Variants in SMCO2 observed in about 807,000 individuals in gnomAD.
The protein encoded by SMCO2 is single-pass membrane and coiled-coil domain-containing protein 2.
In SMCO2, 25 loss-of-function variants were observed where a neutral mutation model predicts 29.5. The ratio of observed to expected loss-of-function variants is 0.85; its 90% confidence interval spans 0.62 to 1.18. The LOEUF is 1.18. Ranked by LOEUF, SMCO2 falls within the 50% of genes most tolerant of loss-of-function variation. The pLI, the probability that SMCO2 is intolerant of heterozygous loss-of-function variation, is 0.00. For synonymous variants in SMCO2, 117 were observed against 123.3 expected, an observed-to-expected ratio of 0.95 and a Z score of 0.34; for missense variants, 348 against 344.5, an observed-to-expected ratio of 1.01 and a Z score of -0.08.
intron 1 of SMCO2, among the ~76,000 whole-genome samples, chr12:27,467,176 C>T (rs1026355495): frequency 6.6e-6 from 1 of 152,132 alleles, no homozygotes; most frequent in African/African-American, 2.4e-5. Flanking sequence ...ATTTCATCAA[C>T]TGTCTTTTAA....
At chr12:27,481,622 G>A (rs1949644245) in intron 4 of SMCO2, among the ~76,000 whole-genome samples, 1 of 151,960 alleles carries the variant, frequency 6.6e-6, no homozygotes, top group South Asian at 2.1e-4. Flanking sequence ...TTTGTGGTAA[G>A]GTTTTTAATT....
intron 7 of SMCO2, chr12:27,498,118 T>C: frequency 2.8e-6 from 1 of 354,352 alleles, no homozygotes; most frequent in Non-Finnish European, 5.6e-6. Flanking sequence ...CTTATGGCTG[T>C]ATCAAATAAA....
At chr12:27,472,487 A>G (rs1201240674) in intron 2 of SMCO2, among the ~76,000 whole-genome samples, 2 of 152,136 alleles carry the variant, frequency 1.3e-5, no homozygotes, top group African/African-American at 2.4e-5. Context: ...GATTGTGCAC[A>G]CTCATTTATA....
At chr12:27,484,512 CA>C (rs1474480196) in intron 4 of SMCO2, among the ~76,000 whole-genome samples, 1 of 152,118 alleles carries the variant, frequency 6.6e-6, no homozygotes, top group Non-Finnish European at 1.5e-5. Context: ...TATATACTGA[CA>C]TTTTTTTCTC....
At chr12:27,440,246 A>G in the SMCO2 span, among the ~76,000 whole-genome samples, 4 of 152,230 alleles carry the variant, frequency 2.6e-5, no homozygotes, top group Admixed American at 1.3e-4. Flanking sequence ...ATAATATTGT[A>G]TTCTCAAAAT....
At chr12:27,426,809 C>T in the SMCO2 span, among the ~76,000 whole-genome samples, 1 of 152,086 alleles carries the variant, frequency 6.6e-6, no homozygotes, top group Admixed American at 6.5e-5. Flanking sequence ...CTAGAGAACC[C>T]AACTGAGGTA....
chr12:27,440,539 T>C, the SMCO2 span, among the ~76,000 whole-genome samples: 1 of 151,592 alleles, frequency 6.6e-6, no homozygotes, highest in African/African-American at 2.4e-5. Context: ...AAAACAACAA[T>C]AGGTAGAGCA....
At chr12:27,446,748 A>C in the SMCO2 span, 4 of 152,094 alleles carry the variant, frequency 2.6e-5, no homozygotes, top group Admixed American at 2.0e-4. Flanking sequence ...TGGTTCTCAA[A>C]CATTAGCTGT....
intron 3 of SMCO2, among the ~76,000 whole-genome samples, 171 bp from the exon 4 acceptor site, chr12:27,474,615 G>C (rs946075882): frequency 6.6e-6 from 1 of 152,180 alleles, no homozygotes; most frequent in African/African-American, 2.4e-5. Context: ...TTCCTCTGTA[G>C]ACAGAGCAGA....
At chr12:27,479,253 C>T (rs365770) in intron 4 of SMCO2, among the ~76,000 whole-genome samples, 18,242 of 151,990 alleles carry the variant, frequency 0.12, 2,097 homozygotes, top group African/African-American at 0.28. Flanking sequence ...GATAGTGTGC[C>T]CTGGTGCCAA....
intron 4 of SMCO2, among the ~76,000 whole-genome samples, chr12:27,486,249 C>G (rs1003946799): frequency 1.3e-5 from 2 of 152,196 alleles, no homozygotes; most frequent in African/African-American, 4.8e-5. Flanking sequence ...CTGTGCAGCT[C>G]TCTCCTCTTT....
In SMCO2 at chr12:27,473,164, T is replaced by C. The variant is rs969875102; in HGVS notation, c.234+289T>C. 7.6e-5 allele frequency: 25 copies of C among 331,030 alleles called. No homozygotes were observed. In the Admixed American group the frequency reaches 9.9e-4, roughly 13 times the overall value. The allele number at this position is 331,030 out of a possible 1,614,324, so 20.5% of individuals were successfully genotyped here. On this transcript the variant is annotated intron_variant, in intron 3 of 7. Coordinates refer to ENST00000298876, the Ensembl canonical transcript of SMCO2. Reference sequence around the variant, plus strand: ...TCCTCGGGAATTTATGAAATAACTGTGACATTTCTCACCTTCGAGCAAATC... The same window carrying C: ...TCCTCGGGAATTTATGAAATAACTGCGACATTTCTCACCTTCGAGCAAATC...
chr12:27,494,489 T>TATTATC (rs1386002583), intron 6 of SMCO2, 133 bp downstream of exon 7: 1 of 104,948 alleles, frequency 9.5e-6, no homozygotes, highest in African/African-American at 5.1e-5. Context: ...TAATTTAATT[T>TATTATC]ATTATTATTA....
upstream of SMCO2, among the ~76,000 whole-genome samples, chr12:27,464,303 G>A (rs1949480002): frequency 6.6e-6 from 1 of 152,252 alleles, no homozygotes; most frequent in East Asian, 1.9e-4. Context: ...AGGCAGAGGC[G>A]AGGTCACCGC....
intron 1 of SMCO2, among the ~76,000 whole-genome samples, chr12:27,468,852 A>T (rs1279929988): frequency 6.6e-6 from 1 of 152,202 alleles, no homozygotes; most frequent in Non-Finnish European, 1.5e-5. Context: ...CCTCTGTATC[A>T]TGTTGTTGTG....
At chr12:27,496,375 T>C (rs1299709371) in intron 7 of SMCO2, among the ~76,000 whole-genome samples, 1 of 150,672 alleles carries the variant, frequency 6.6e-6, no homozygotes, top group African/African-American at 2.5e-5. Context: ...TTTATTTCTA[T>C]CTACATATCT....
At chr12:27,470,808 A>G (rs1398588855) in intron 2 of SMCO2, 43 bp downstream of exon 2, 9 of 1,541,992 alleles carry the variant, frequency 5.8e-6, no homozygotes, top group Non-Finnish European at 7.9e-6. Context: ...CTAGGGTCCC[A>G]ACTGCAGACG....
the SMCO2 span, among the ~76,000 whole-genome samples, chr12:27,461,785 C>T: frequency 2.6e-5 from 4 of 152,218 alleles, no homozygotes; most frequent in African/African-American, 9.6e-5. Context: ...AGAAAGCTCC[C>T]CTTCCCTGGA....
chr12:27,457,897 A>G, the SMCO2 span, among the ~76,000 whole-genome samples: 1 of 152,238 alleles, frequency 6.6e-6, no homozygotes, highest in South Asian at 2.1e-4. Context: ...TAGCTGGAAA[A>G]AGAATGTGAG....
Sources: gnomAD v4.1 joint callset for allele counts (sites outside exome capture counted in the v4.1 genomes callset) on GRCh38, gnomAD v4.1.1 for gene constraint, MANE v1.5 for transcripts, NCBI Gene and HGNC (gene_info 2026-07-23, HGNC 2026-07-21) for gene names.